The following SCTR variants were observed in gnomAD, a reference collection of about 807,000 sequenced individuals.
The protein encoded by SCTR is secretin receptor.
Under a neutral mutation model 60.8 loss-of-function variants are expected in SCTR, and 56 were observed. The ratio of observed to expected loss-of-function variants is 0.92; its 90% CI spans 0.74 to 1.15. The LOEUF (loss-of-function observed/expected upper bound fraction) is 1.15. Ranked by LOEUF, SCTR falls within the 50% of genes most tolerant of loss-of-function variation. The pLI, the probability that SCTR is intolerant of heterozygous loss-of-function variation, is 0.00. For missense variants in SCTR, 562 were observed against 550.4 expected (o/e 1.02, Z -0.21); for synonymous variants, 202 against 217.0 (o/e 0.93, Z 0.61).
intron 2 of SCTR, chr2:119,484,645 C>G (rs192859539): frequency 2.8e-5 from 2 of 71,310 alleles, no homozygotes; most frequent in Admixed American, 2.7e-4. Flanking sequence ...ATCCATCAAT[C>G]TCTTCTTTTT....
chr2:119,454,089 C>T (rs1040908817), intron 7 of SCTR, among the ~76,000 whole-genome samples: 4 of 152,272 alleles, frequency 2.6e-5, no homozygotes, highest in Non-Finnish European at 5.9e-5. Flanking sequence ...GACGGCAACA[C>T]GCTTAGGCAC....
intron 4 of SCTR, among the ~76,000 whole-genome samples, chr2:119,472,415 G>A (rs1677062293): frequency 6.6e-6 from 1 of 152,228 alleles, no homozygotes; most frequent in African/African-American, 2.4e-5. Flanking sequence ...ATGGCACAGT[G>A]TGCATGAGAT....
At chr2:119,450,396 A>T (rs887939984) in intron 9 of SCTR, among the ~76,000 whole-genome samples, 3 of 152,200 alleles carry the variant, frequency 2.0e-5, no homozygotes, top group Non-Finnish European at 2.9e-5. Flanking sequence ...CGAGTCCCAG[A>T]ATAACAGCGG....
intron 2 of SCTR, among the ~76,000 whole-genome samples, chr2:119,482,713 A>G (rs1241701305): frequency 6.6e-6 from 1 of 152,008 alleles, no homozygotes; most frequent in African/African-American, 2.4e-5. Context: ...GGTCTCGGGA[A>G]CTCAGCAGGC....
At chr2:119,504,196 G>A (rs539194987) in intron 1 of SCTR, among the ~76,000 whole-genome samples, 15 of 152,284 alleles carry the variant, frequency 9.9e-5, no homozygotes, top group East Asian at 9.6e-4. Context: ...TGAAGCAACC[G>A]AACATCTGTA....
chr2:119,502,999 A>C (rs1678603340), intron 1 of SCTR, among the ~76,000 whole-genome samples: 1 of 151,178 alleles, frequency 6.6e-6, no homozygotes, highest in Non-Finnish European at 1.5e-5. Flanking sequence ...AAAAAAAAAA[A>C]ATACAAAAAA....
intron 1 of SCTR, 66 bp from the exon 2 acceptor site, chr2:119,494,614 T>C (rs1678278281): frequency 6.4e-7 from 1 of 1,566,786 alleles, no homozygotes; most frequent in Non-Finnish European, 8.7e-7. Flanking sequence ...TGGGGGAGAA[T>C]GGGGCAAGAC....
intron 2 of SCTR, among the ~76,000 whole-genome samples, chr2:119,481,401 G>C (rs1307943940): frequency 6.6e-6 from 1 of 152,204 alleles, no homozygotes; most frequent in Admixed American, 6.5e-5. Flanking sequence ...GCCTGTCAGA[G>C]ATATGCAGAT....
At chr2:119,522,414 G>A (rs962331149) in intron 1 of SCTR, among the ~76,000 whole-genome samples, 4 of 152,208 alleles carry the variant, frequency 2.6e-5, no homozygotes, top group African/African-American at 9.6e-5. Context: ...AGTGGGGTAT[G>A]TGGGGCGAGT....
chr2:119,501,328 T>C (rs1573910292), intron 1 of SCTR, among the ~76,000 whole-genome samples: 1 of 151,314 alleles, frequency 6.6e-6, no homozygotes, highest in South Asian at 2.1e-4. Flanking sequence ...GAGAATGGGG[T>C]GAACCTGGTA....
intron 8 of SCTR, among the ~76,000 whole-genome samples, 194 bp from the exon 9 acceptor site, chr2:119,452,273 G>A (rs1317109547): frequency 6.6e-6 from 1 of 152,210 alleles, no homozygotes; most frequent in African/African-American, 2.4e-5. Context: ...GGCTGAGGGA[G>A]TGGCCACCTG....
At position 119,462,011 on chromosome 2, in the gene SCTR, A is replaced by G. The variant is rs1683630242; in HGVS notation, c.637-11T>C. 6.3e-7 allele frequency: 1 copy of G among 1,590,994 alleles called. No individual in the cohort carries two copies. Among genetic ancestry groups the G allele is most frequent in the Non-Finnish European group, 8.6e-7 (1 of 1,167,232 alleles). On this transcript the variant is annotated splice_polypyrimidine_tract_variant and intron_variant, in intron 6 of 12. Transcript: ENST00000019103. ...CAGCTTGCAGCCCGCCTGGAGAGAG[A>G]GAGGCAGCTGAACCCAGGCCGGGTG...
Position 119,444,162 on chromosome 2 carries a change from T to C in SCTR, c.1141-2563A>G, listed in dbSNP as rs182824415. On this transcript the variant is annotated intron_variant, in intron 11 of 12. Coordinates refer to ENST00000019103, the MANE Select transcript of SCTR (RefSeq NM_002980.3). ...ATATATACATATTCTTATATATATA[T>C]ACACATATGTATATATACATATGAA... Among the ~76,000 whole-genome samples the C allele has an allele frequency of 6.3e-3, 894 of 142,014 alleles. 66 individuals are homozygous for C. Among genetic ancestry groups the C allele is most frequent in the African/African-American group, 0.024 (854 of 35,486 alleles). The allele number at this position is 142,014 out of a possible 152,430, so 93.2% of individuals were successfully genotyped here.
intron 1 of SCTR, among the ~76,000 whole-genome samples, chr2:119,519,409 G>T (rs1679216429): frequency 1.3e-5 from 2 of 152,140 alleles, no homozygotes; most frequent in African/African-American, 4.8e-5. Context: ...AAATTGATTA[G>T]TTTAAATGAA....
At chr2:119,512,316 C>T (rs1232632545) in intron 1 of SCTR, among the ~76,000 whole-genome samples, 2 of 63,904 alleles carry the variant, frequency 3.1e-5, no homozygotes, top group African/African-American at 1.6e-4. Context: ...CTTCCCCTTC[C>T]CCTTCCCCTT....
At chr2:119,522,109 A>G (rs1679305185) in intron 1 of SCTR, among the ~76,000 whole-genome samples, 1 of 152,208 alleles carries the variant, frequency 6.6e-6, no homozygotes, top group Non-Finnish European at 1.5e-5. Context: ...AGCCTGACCA[A>G]CATGGAGAAA....
At chr2:119,490,268 G>A (rs1000731860) in intron 2 of SCTR, among the ~76,000 whole-genome samples, 6 of 152,202 alleles carry the variant, frequency 3.9e-5, no homozygotes, top group Admixed American at 3.3e-4. Context: ...TGTCCCTTGC[G>A]CAGTGGCCGA....
At chr2:119,504,027 G>C (rs1678648294) in intron 1 of SCTR, among the ~76,000 whole-genome samples, 1 of 152,124 alleles carries the variant, frequency 6.6e-6, no homozygotes, top group African/African-American at 2.4e-5. Flanking sequence ...GTATTATACA[G>C]GTACAGTAAT....
At chr2:119,479,341 A>G in intron 2 of SCTR, 1 of 951,536 alleles carries the variant, frequency 1.1e-6, no homozygotes, top group Non-Finnish European at 1.3e-6. Flanking sequence ...AAATAGACCT[A>G]GCCGGCGTGG....
Sources: gnomAD v4.1 joint callset for allele counts (sites outside exome capture counted in the v4.1 genomes callset) on GRCh38, gnomAD v4.1.1 for gene constraint, MANE v1.5 for transcripts, NCBI Gene and HGNC (gene_info 2026-07-23, HGNC 2026-07-21) for gene names.